PPM1L: variants seen among roughly 807,000 people sequenced by gnomAD.
PPM1L encodes the protein protein phosphatase 1L.
Under a neutral mutation model 31.4 loss-of-function variants are expected in PPM1L, and 13 were observed. The observed-to-expected ratio is 0.41, with a 90% CI of 0.27 to 0.66. PPM1L has a LOEUF of 0.66. Ranked by LOEUF, PPM1L falls within the 30% of genes least tolerant of loss-of-function variation. The pLI is 0.29. For synonymous variants in PPM1L, 184 were observed against 175.4 expected (o/e 1.05, Z -0.39); for missense variants, 326 against 453.7 (o/e 0.72, Z 2.56).
At chr3:160,979,665 GGAGACT>G (rs1229759427) in intron 2 of PPM1L, among the ~76,000 whole-genome samples, 1 of 152,008 alleles carries the variant, frequency 6.6e-6, no homozygotes, top group African/African-American at 2.4e-5. Flanking sequence ...AATTGAGGAA[GGAGACT>G]TACTTTTTCA....
chr3:161,065,375 C>A (rs373261947), intron 2 of PPM1L, 28 bp from the exon 3 acceptor site: 1 of 1,608,820 alleles, frequency 6.2e-7, no homozygotes, highest in South Asian at 1.1e-5. Flanking sequence ...GCTGACCTCC[C>A]GCGTTCTCTC....
At chr3:160,831,035 A>G (rs1576659106) in intron 1 of PPM1L, among the ~76,000 whole-genome samples, 1 of 152,168 alleles carries the variant, frequency 6.6e-6, no homozygotes, top group Admixed American at 6.5e-5. Context: ...GACAGCACCC[A>G]AGGGGGTTTA....
At chr3:160,914,019 A>G (rs1475542286) in intron 1 of PPM1L, among the ~76,000 whole-genome samples, 1 of 152,208 alleles carries the variant, frequency 6.6e-6, no homozygotes, top group Non-Finnish European at 1.5e-5. Context: ...GTTTTCCAAA[A>G]TGGTTGTATC....
chr3:160,814,669 T>A (rs1333785707), intron 1 of PPM1L, among the ~76,000 whole-genome samples: 1 of 149,836 alleles, frequency 6.7e-6, no homozygotes, highest in Non-Finnish European at 1.5e-5. Flanking sequence ...ACACGGTATA[T>A]ACCATATATA....
intron 1 of PPM1L, among the ~76,000 whole-genome samples, chr3:160,858,933 C>T (rs887605523): frequency 6.6e-6 from 1 of 152,062 alleles, no homozygotes; most frequent in Admixed American, 6.6e-5. Flanking sequence ...AGTCTGTTCC[C>T]TTTTATCCAG....
chr3:161,002,631 G>A (rs1260935669), intron 2 of PPM1L, among the ~76,000 whole-genome samples: 18 of 147,444 alleles, frequency 1.2e-4, no homozygotes, highest in Non-Finnish European at 2.7e-4. Context: ...CTGCATAAAT[G>A]TCTTCTTTTG....
intron 1 of PPM1L, among the ~76,000 whole-genome samples, chr3:160,857,684 C>G (rs1435279172): frequency 6.6e-6 from 1 of 152,090 alleles, no homozygotes; most frequent in African/African-American, 2.4e-5. Flanking sequence ...GGTGCCTGCT[C>G]TTAAAGAGGT....
At chr3:160,834,177 T>C (rs1330026828) in intron 1 of PPM1L, among the ~76,000 whole-genome samples, 3 of 151,802 alleles carry the variant, frequency 2.0e-5, no homozygotes, top group Non-Finnish European at 4.4e-5. Flanking sequence ...GCACCCACCA[T>C]CATGCCCAGA....
At chr3:160,886,846 G>A (rs1342722704) in intron 1 of PPM1L, among the ~76,000 whole-genome samples, 1 of 152,088 alleles carries the variant, frequency 6.6e-6, no homozygotes, top group Non-Finnish European at 1.5e-5. Flanking sequence ...AACAGAACTA[G>A]ATGGAGGATG....
chr3:160,801,128 T>C (rs376677180), intron 1 of PPM1L, among the ~76,000 whole-genome samples: 29 of 145,592 alleles, frequency 2.0e-4, no homozygotes, highest in South Asian at 4.5e-4. Context: ...TGTTTAGTGA[T>C]ACACACACAC....
intron 2 of PPM1L, among the ~76,000 whole-genome samples, chr3:161,032,314 A>G (rs1366376386): frequency 2.6e-5 from 4 of 152,232 alleles, no homozygotes; most frequent in African/African-American, 9.6e-5. Context: ...TAATTTGTGA[A>G]TACTCAAAGT....
intron 2 of PPM1L, among the ~76,000 whole-genome samples, chr3:160,983,949 G>A (rs1377399667): frequency 1.3e-5 from 2 of 152,086 alleles, no homozygotes; most frequent in African/African-American, 4.8e-5. Context: ...TTGCTTTAAG[G>A]GCAACAAAAG....
At chr3:160,770,818 T>C (rs1715232207) in intron 1 of PPM1L, among the ~76,000 whole-genome samples, 1 of 152,170 alleles carries the variant, frequency 6.6e-6, no homozygotes, top group South Asian at 2.1e-4. Context: ...TCCTTATTTT[T>C]TCTAGGATTT....
chr3:160,844,587 G>A (rs1023432877), intron 1 of PPM1L, among the ~76,000 whole-genome samples: 12 of 151,994 alleles, frequency 7.9e-5, no homozygotes, highest in Non-Finnish European at 1.8e-4. Context: ...CTCTTCACAT[G>A]TCTTCTGCAG....
chr3:160,762,097 A>C (rs539648569), intron 1 of PPM1L, among the ~76,000 whole-genome samples: 66 of 152,344 alleles, frequency 4.3e-4, no homozygotes, highest in African/African-American at 1.5e-3. Context: ...ACTCCTTCTG[A>C]AATAAGATAC....
At chr3:160,974,140 C>T (rs376827490) in intron 2 of PPM1L, among the ~76,000 whole-genome samples, 8,376 of 148,964 alleles carry the variant, frequency 0.056, 266 homozygotes, top group African/African-American at 0.064. Flanking sequence ...TTTGTTCTTG[C>T]GATAGTTTAC....
At chr3:160,955,074 G>A (rs1203050796) in intron 1 of PPM1L, among the ~76,000 whole-genome samples, 3 of 150,630 alleles carry the variant, frequency 2.0e-5, no homozygotes, top group Admixed American at 6.6e-5. Flanking sequence ...GCAATGGTGC[G>A]ATCTCTGCTC....
At chr3:160,788,772 C>T (rs1712012528) in intron 1 of PPM1L, among the ~76,000 whole-genome samples, 1 of 151,944 alleles carries the variant, frequency 6.6e-6, no homozygotes, top group Non-Finnish European at 1.5e-5. Context: ...ATTTTTCCAG[C>T]TTGCTATAAT....
At chr3:160,788,751 A>C (rs1034231956) in intron 1 of PPM1L, among the ~76,000 whole-genome samples, 2 of 151,970 alleles carry the variant, frequency 1.3e-5, no homozygotes, top group Non-Finnish European at 2.9e-5. Context: ...GTTATATAAA[A>C]ATTTAGTTTT....
Sources: allele counts gnomAD v4.1 joint callset (sites outside exome capture counted in the v4.1 genomes callset), GRCh38; gene constraint gnomAD v4.1.1; transcripts MANE v1.5; gene names NCBI Gene and HGNC (gene_info 2026-07-23, HGNC 2026-07-21).